COL26A1: variants seen among roughly 807,000 people sequenced by gnomAD.
COL26A1 encodes collagen type XXVI alpha 1 chain.
A neutral mutation model predicts 59.3 loss-of-function variants in COL26A1; 41 were observed. The ratio of observed to expected loss-of-function variants is 0.69; its 90% CI spans 0.54 to 0.90. COL26A1 has a LOEUF of 0.90. Among genes scored for constraint, COL26A1 ranks in the 40% least tolerant of loss-of-function variants. The probability of loss-of-function intolerance (pLI) is 0.00; values close to 1 mark genes in which losing one functional copy is unlikely to be tolerated. For missense variants in COL26A1, 612 were observed against 602.3 expected (o/e 1.02, Z -0.17); for synonymous variants, 266 against 256.0 (o/e 1.04, Z -0.37).
At chr7:101,406,005 TC>T (rs1378924933) in intron 1 of COL26A1, among the ~76,000 whole-genome samples, 1 of 152,130 alleles carries the variant, frequency 6.6e-6, no homozygotes, top group Non-Finnish European at 1.5e-5. Context: ...ACGGCCGTGC[TC>T]CGTGGAGTAG....
intron 12 of COL26A1, among the ~76,000 whole-genome samples, chr7:101,556,341 A>T (rs1327169589): frequency 6.6e-6 from 1 of 152,242 alleles, no homozygotes; most frequent in African/African-American, 2.4e-5. Context: ...ATACCTCTGC[A>T]GGGCCTGGAG....
chr7:101,387,698 A>G (rs1291740867), intron 1 of COL26A1, among the ~76,000 whole-genome samples: 1 of 140,088 alleles, frequency 7.1e-6, no homozygotes, highest in African/African-American at 2.7e-5. Context: ...GATTTTATAT[A>G]TATATTGTAA....
At chr7:101,385,696 T>A (rs10253023) in intron 1 of COL26A1, among the ~76,000 whole-genome samples, 1,576 of 151,172 alleles carry the variant, frequency 0.01, 28 homozygotes, top group African/African-American at 0.036. Flanking sequence ...AAATTTTTTT[T>A]AATTTTTTAA....
At chr7:101,432,692 T>C (rs112310931) in intron 2 of COL26A1, among the ~76,000 whole-genome samples, 193 of 152,212 alleles carry the variant, frequency 1.3e-3, no homozygotes, top group African/African-American at 4.5e-3. Context: ...TAGTAAAAAG[T>C]GCATTCTTTT....
intron 3 of COL26A1, among the ~76,000 whole-genome samples, chr7:101,448,852 ATTC>A (rs1367916387): frequency 6.6e-6 from 1 of 152,122 alleles, no homozygotes; most frequent in Non-Finnish European, 1.5e-5. Flanking sequence ...TTCTGACAAA[ATTC>A]TTCTCTTCTC....
At chr7:101,390,296 C>T (rs942676217) in intron 1 of COL26A1, among the ~76,000 whole-genome samples, 2 of 151,336 alleles carry the variant, frequency 1.3e-5, no homozygotes, top group Non-Finnish European at 2.9e-5. Flanking sequence ...GCTGGAATTA[C>T]AGGTGTGTGC....
At chr7:101,396,805 C>T (rs1018509854) in intron 1 of COL26A1, among the ~76,000 whole-genome samples, 1 of 152,130 alleles carries the variant, frequency 6.6e-6, no homozygotes, top group Non-Finnish European at 1.5e-5. Context: ...AGGACAGAAT[C>T]CCAGGCTTGG....
At chr7:101,369,842 A>G (rs1195585938) in intron 1 of COL26A1, among the ~76,000 whole-genome samples, 1 of 151,718 alleles carries the variant, frequency 6.6e-6, no homozygotes, top group Non-Finnish European at 1.5e-5. Flanking sequence ...GTACATTTTG[A>G]AGAGTCCATT....
chr7:101,546,675 G>T (rs1795742836), intron 7 of COL26A1, among the ~76,000 whole-genome samples: 1 of 152,156 alleles, frequency 6.6e-6, no homozygotes, highest in African/African-American at 2.4e-5. Flanking sequence ...TCATCCTGGA[G>T]GGCCATGGGA....
At chr7:101,370,944 T>A (rs187057978) in intron 1 of COL26A1, among the ~76,000 whole-genome samples, 63 of 135,290 alleles carry the variant, frequency 4.7e-4, no homozygotes, top group African/African-American at 1.9e-3. Context: ...GTGATTGTGG[T>A]TTTGGTTCTA....
chr7:101,442,685 G>A (rs1051588074), intron 2 of COL26A1, among the ~76,000 whole-genome samples: 1 of 152,160 alleles, frequency 6.6e-6, no homozygotes, highest in African/African-American at 2.4e-5. Context: ...TCAGAGGTTA[G>A]TCCTCAGGTA....
intron 2 of COL26A1, among the ~76,000 whole-genome samples, chr7:101,443,538 C>T (rs1268373908): frequency 2.0e-5 from 3 of 152,066 alleles, no homozygotes. Flanking sequence ...TTAAGTTGCT[C>T]GATGTCAGCA....
intron 3 of COL26A1, among the ~76,000 whole-genome samples, chr7:101,525,639 G>A (rs1795229228): frequency 6.6e-6 from 1 of 150,936 alleles, no homozygotes; most frequent in African/African-American, 2.4e-5. Context: ...TGGGACTACA[G>A]GTGCCCACCA....
intron 3 of COL26A1, among the ~76,000 whole-genome samples, chr7:101,506,347 A>T (rs1213650250): frequency 2.6e-5 from 4 of 152,260 alleles, no homozygotes; most frequent in Non-Finnish European, 5.9e-5. Context: ...GAATCGGAGA[A>T]GAGAGAGTCA....
At chr7:101,476,336 T>C (rs891882695) in intron 3 of COL26A1, among the ~76,000 whole-genome samples, 1 of 152,154 alleles carries the variant, frequency 6.6e-6, no homozygotes, top group African/African-American at 2.4e-5. Context: ...TGTGTTAGTG[T>C]TGTCAAAAGA....
chr7:101,556,125 C>T (rs1337383092), intron 12 of COL26A1, among the ~76,000 whole-genome samples: 2 of 152,194 alleles, frequency 1.3e-5, no homozygotes, highest in Non-Finnish European at 2.9e-5. Flanking sequence ...CATGTTGAGG[C>T]CCCTCCCACC....
At chr7:101,505,840 ACACT>A (rs1375294473) in intron 3 of COL26A1, among the ~76,000 whole-genome samples, 6 of 152,188 alleles carry the variant, frequency 3.9e-5, no homozygotes, top group Non-Finnish European at 8.8e-5. Context: ...AATCAAGTTG[ACACT>A]CAGTATTAAC....
At chr7:101,404,159 C>G (rs1792075235) in intron 1 of COL26A1, among the ~76,000 whole-genome samples, 1 of 152,118 alleles carries the variant, frequency 6.6e-6, no homozygotes, top group African/African-American at 2.4e-5. Flanking sequence ...TGGCAGCCAT[C>G]TTAGAGCCAT....
intron 3 of COL26A1, among the ~76,000 whole-genome samples, chr7:101,521,268 T>C (rs1330868106): frequency 1.3e-5 from 2 of 152,136 alleles, no homozygotes; most frequent in Admixed American, 6.5e-5. Flanking sequence ...TACATGGGGA[T>C]TACAATTCGA....
Sources: allele counts gnomAD v4.1 joint callset (sites outside exome capture counted in the v4.1 genomes callset), GRCh38; gene constraint gnomAD v4.1.1; transcripts MANE v1.5; gene names NCBI Gene and HGNC (gene_info 2026-07-23, HGNC 2026-07-21).